Variants in ABHD12 observed in about 807,000 individuals in gnomAD.
ABHD12 encodes abhydrolase domain containing 12, lysophospholipase.
In ABHD12, 43 loss-of-function variants were observed where a neutral mutation model predicts 58.3. That is an observed-to-expected ratio of 0.74 (90% CI 0.58 to 0.95). The LOEUF (loss-of-function observed/expected upper bound fraction) is 0.95. Among genes scored for constraint, ABHD12 ranks in the 40% least tolerant of loss-of-function variants. The pLI, the probability that ABHD12 is intolerant of heterozygous loss-of-function variation, is 0.00. For synonymous variants in ABHD12, 219 were observed against 211.2 expected (o/e 1.04, Z -0.32); for missense variants, 539 against 537.2 (o/e 1.00, Z -0.03).
At chr20:25,352,205 T>G (rs1281104889) in intron 1 of ABHD12, among the ~76,000 whole-genome samples, 1 of 151,960 alleles carries the variant, frequency 6.6e-6, no homozygotes, top group Non-Finnish European at 1.5e-5. Context: ...TTGGCCAGGC[T>G]GGTCTCAAAC....
intron 1 of ABHD12, among the ~76,000 whole-genome samples, chr20:25,350,530 T>C (rs1232999982): frequency 6.6e-6 from 1 of 152,218 alleles, no homozygotes. Context: ...GTGACTTTGC[T>C]TCTCCTTTGC....
intron 2 of ABHD12, among the ~76,000 whole-genome samples, chr20:25,335,278 A>G (rs2146022227): frequency 6.6e-6 from 1 of 152,162 alleles, no homozygotes; most frequent in Non-Finnish European, 1.5e-5. Context: ...CACCAGTTAG[A>G]ATGGCAATCA....
At chr20:25,342,224 G>C (rs2089464451) in intron 1 of ABHD12, among the ~76,000 whole-genome samples, 1 of 151,850 alleles carries the variant, frequency 6.6e-6, no homozygotes, top group African/African-American at 2.4e-5. Flanking sequence ...CCTTAGAATG[G>C]AATACAATGC....
intron 1 of ABHD12, among the ~76,000 whole-genome samples, chr20:25,359,445 AC>A (rs1287874284): frequency 5.6e-4 from 29 of 51,698 alleles, no homozygotes; most frequent in African/African-American, 8.8e-4. Context: ...AAAAAAAAAA[AC>A]ATTTCTATTT....
In ABHD12 at chr20:25,302,099, CTG is replaced by C. The variant is rs1263291790; in HGVS notation, c.1157+118_1157+119del. 94 of 1,431,498 alleles carry C rather than the reference CTG, an allele frequency of 6.6e-5. 1 individual carries two copies. The East Asian group carries it at 2.2e-3, about 33-fold the overall frequency. The allele number at this position is 1,431,498 out of a possible 1,614,324, so 88.7% of individuals were successfully genotyped here. A position where few individuals can be genotyped will look rare whatever the true frequency, so the allele number is the denominator to read the frequency against. The stretch of plus-strand genomic sequence containing the variant: ...AAGGAAATGGAAGGCTCCCAAATCA[CTG>C]TGACTCTTGGCCCCACTGAGGCCCC... On this transcript the variant is annotated intron_variant, in intron 12 of 12. Coordinates refer to ENST00000339157, the MANE Select transcript of ABHD12 (RefSeq NM_001042472.3).
chr20:25,369,247 G>A (rs959572183), intron 1 of ABHD12, among the ~76,000 whole-genome samples: 11 of 152,120 alleles, frequency 7.2e-5, no homozygotes, highest in Non-Finnish European at 1.5e-4. Context: ...TCATCTATCC[G>A]TCTTTAGAGA....
At chr20:25,312,953 G>A (rs1482448323) in intron 6 of ABHD12, among the ~76,000 whole-genome samples, 4 of 127,774 alleles carry the variant, frequency 3.1e-5, no homozygotes, top group Admixed American at 1.7e-4. Context: ...CGCCCCATCC[G>A]GGAGGGAGGT....
intron 2 of ABHD12, among the ~76,000 whole-genome samples, chr20:25,330,532 C>G (rs995120041): frequency 6.6e-6 from 1 of 152,246 alleles, no homozygotes; most frequent in Non-Finnish European, 1.5e-5. Flanking sequence ...AAGAAAAAGA[C>G]AGCAGTAACC....
chr20:25,366,699 T>C (rs1417568941), intron 1 of ABHD12, among the ~76,000 whole-genome samples: 7 of 152,248 alleles, frequency 4.6e-5, no homozygotes, highest in Non-Finnish European at 1.0e-4. Flanking sequence ...GAGTAAGATA[T>C]GGATCCAGAT....
chr20:25,336,145 T>G (rs1485781546), intron 2 of ABHD12, among the ~76,000 whole-genome samples: 1 of 152,064 alleles, frequency 6.6e-6, no homozygotes, highest in Non-Finnish European at 1.5e-5. Context: ...TCCAAACATC[T>G]TTTGGATGGA....
intron 2 of ABHD12, among the ~76,000 whole-genome samples, chr20:25,334,015 A>C (rs1249806073): frequency 1.3e-5 from 2 of 152,160 alleles, no homozygotes; most frequent in African/African-American, 2.4e-5. Context: ...AGGAAGTCAA[A>C]TTGTCCCTGT....
intron 1 of ABHD12, among the ~76,000 whole-genome samples, chr20:25,383,475 T>C (rs2090046215): frequency 6.6e-6 from 1 of 152,190 alleles, no homozygotes; most frequent in African/African-American, 2.4e-5. Context: ...AGACCAGTCA[T>C]GCCTTCAATG....
At chr20:25,301,423 T>G (rs1423841001) in intron 12 of ABHD12, among the ~76,000 whole-genome samples, 1 of 149,552 alleles carries the variant, frequency 6.7e-6, no homozygotes, top group Non-Finnish European at 1.5e-5. Context: ...TGGAGCTGAC[T>G]GGCACAACAC....
intron 12 of ABHD12, among the ~76,000 whole-genome samples, chr20:25,301,242 C>T (rs1301160933): frequency 6.6e-6 from 1 of 152,198 alleles, no homozygotes; most frequent in Non-Finnish European, 1.5e-5. Context: ...CTTAGCAACC[C>T]AGGTACCTGT....
intron 1 of ABHD12, among the ~76,000 whole-genome samples, chr20:25,364,651 C>T (rs1205703451): frequency 2.0e-5 from 3 of 152,214 alleles, no homozygotes; most frequent in Non-Finnish European, 4.4e-5. Flanking sequence ...TACCTAACGG[C>T]CTACAGAGCT....
chr20:25,382,065 A>C (rs1258262364), intron 1 of ABHD12, among the ~76,000 whole-genome samples: 3 of 152,016 alleles, frequency 2.0e-5, no homozygotes, highest in Non-Finnish European at 4.4e-5. Context: ...CCTGGGCCTC[A>C]CCACAATCCT....
At chr20:25,326,191 G>A (rs192580847) in intron 2 of ABHD12, among the ~76,000 whole-genome samples, 108 of 151,544 alleles carry the variant, frequency 7.1e-4, no homozygotes, top group African/African-American at 2.5e-3. Context: ...GGGAGGGAGT[G>A]GGGGGAGGGA....
chr20:25,363,792 G>A (rs1292294875), intron 1 of ABHD12, among the ~76,000 whole-genome samples: 1 of 152,064 alleles, frequency 6.6e-6, no homozygotes, highest in African/African-American at 2.4e-5. Context: ...TTGAACCCAG[G>A]AGGCGGAGGT....
At chr20:25,313,453 C>T (rs1396774962) in intron 6 of ABHD12, among the ~76,000 whole-genome samples, 136 of 107,138 alleles carry the variant, frequency 1.3e-3, no homozygotes, top group Admixed American at 3.3e-3. Context: ...TGCGGAAGGC[C>T]GCAGGGTCCT....
Sources: gnomAD v4.1 joint callset for allele counts (sites outside exome capture counted in the v4.1 genomes callset) on GRCh38, gnomAD v4.1.1 for gene constraint, MANE v1.5 for transcripts, NCBI Gene and HGNC (gene_info 2026-07-23, HGNC 2026-07-21) for gene names.